The following CD38 variants were observed in gnomAD, a reference collection of about 807,000 sequenced individuals.
CD38 encodes CD38 molecule.
Under a neutral mutation model 36.3 loss-of-function variants are expected in CD38, and 31 were observed. The observed-to-expected ratio is 0.85, with a 90% CI of 0.64 to 1.15. The LOEUF (loss-of-function observed/expected upper bound fraction) is 1.15. CD38 is among the 50% of genes most tolerant of loss of function. The probability of loss-of-function intolerance (pLI) is 0.00; values close to 1 mark genes in which losing one functional copy is unlikely to be tolerated. For synonymous variants in CD38, 131 were observed against 135.2 expected, an observed-to-expected ratio of 0.97 and a Z score of 0.22; for missense variants, 380 against 371.9, an observed-to-expected ratio of 1.02 and a Z score of -0.18.
intron 1 of CD38, among the ~76,000 whole-genome samples, chr4:15,784,135 G>T (rs1722761303): frequency 6.6e-6 from 1 of 152,230 alleles, no homozygotes; most frequent in African/African-American, 2.4e-5. Context: ...AGGAGCCATT[G>T]CTTCTGTGCA....
At chr4:15,820,827 G>A (rs1048588736) in intron 2 of CD38, among the ~76,000 whole-genome samples, 3 of 152,142 alleles carry the variant, frequency 2.0e-5, no homozygotes, top group African/African-American at 7.2e-5. Context: ...CTCAGCTCAG[G>A]ATCAAGTGGA....
chr4:15,820,929 A>G (rs1723718830), intron 2 of CD38, among the ~76,000 whole-genome samples: 1 of 152,232 alleles, frequency 6.6e-6, no homozygotes, highest in African/African-American at 2.4e-5. Flanking sequence ...AATTGATCAC[A>G]CAATTGGAAG....
Position 15,853,212 on chromosome 4 carries a change from CAAT to C in CD38, c.*4613_*4615del, listed in dbSNP as rs1258908998. On this transcript the variant is annotated 3_prime_UTR_variant, in exon 8 of 8. Transcript: ENST00000226279. The stretch of plus-strand genomic sequence containing the variant: ...AACAGACAAAAATGAATTAAACAAA[CAAT>C]AAAAGTATAATAAAGAACTGTGCTG... 1 of 152,088 alleles carries C rather than the reference CAAT, an allele frequency of 6.6e-6. No homozygotes were observed. Among genetic ancestry groups the C allele is most frequent in the Non-Finnish European group, 1.5e-5 (1 of 68,008 alleles). The allele number at this position is 152,088 out of a possible 1,614,324, so 9.4% of individuals were successfully genotyped here. A position where few individuals can be genotyped will look rare whatever the true frequency, so the allele number is the denominator to read the frequency against.
intron 2 of CD38, among the ~76,000 whole-genome samples, chr4:15,821,845 C>T (rs182505091): frequency 2.0e-4 from 30 of 151,396 alleles, no homozygotes; most frequent in African/African-American, 6.3e-4. Flanking sequence ...GAGACTAGCA[C>T]CATCCTGATA....
chr4:15,831,946 T>C (rs1560318408), intron 3 of CD38, among the ~76,000 whole-genome samples: 1 of 152,210 alleles, frequency 6.6e-6, no homozygotes. Flanking sequence ...AAGGCAATTT[T>C]CTAGATCCTG....
chr4:15,821,444 G>A (rs1274896266), intron 2 of CD38, among the ~76,000 whole-genome samples: 1 of 151,900 alleles, frequency 6.6e-6, no homozygotes, highest in Non-Finnish European at 1.5e-5. Context: ...TGGATCGCTA[G>A]CTAGACTAAT....
At chr4:15,825,239 T>A (rs1723823178) in intron 3 of CD38, 2 of 473,030 alleles carry the variant, frequency 4.2e-6, no homozygotes, top group Admixed American at 3.7e-5. Flanking sequence ...ACGCAGGCTG[T>A]ACAAGAAGTA....
intron 1 of CD38, among the ~76,000 whole-genome samples, chr4:15,796,454 A>C (rs1210117296): frequency 6.6e-6 from 1 of 152,124 alleles, no homozygotes; most frequent in African/African-American, 2.4e-5. Flanking sequence ...TCCATTTAAA[A>C]ATTAAAAATT....
At chr4:15,840,803 C>A (rs892668726) in intron 7 of CD38, among the ~76,000 whole-genome samples, 2 of 152,144 alleles carry the variant, frequency 1.3e-5, no homozygotes, top group African/African-American at 4.8e-5. Context: ...GCTGACACAA[C>A]CTTTGATGGC....
chr4:15,804,783 G>T (rs1356237652), intron 1 of CD38, among the ~76,000 whole-genome samples: 1 of 152,152 alleles, frequency 6.6e-6, no homozygotes, highest in Non-Finnish European at 1.5e-5. Flanking sequence ...GGGAGACAGA[G>T]ATTGATCAAT....
chr4:15,796,623 G>A (rs1245936016), intron 1 of CD38, among the ~76,000 whole-genome samples: 2 of 151,990 alleles, frequency 1.3e-5, no homozygotes, highest in South Asian at 2.1e-4. Context: ...AAATAAAATC[G>A]AAATACTCTT....
At chr4:15,816,976 A>G (rs371127747) in intron 2 of CD38, among the ~76,000 whole-genome samples, 2 of 152,248 alleles carry the variant, frequency 1.3e-5, no homozygotes, top group South Asian at 2.1e-4. Context: ...CCCCTGACCT[A>G]TGATAATAAT....
intron 1 of CD38, among the ~76,000 whole-genome samples, chr4:15,813,752 T>C (rs776768485): frequency 6.6e-6 from 1 of 152,236 alleles, no homozygotes; most frequent in African/African-American, 2.4e-5. Context: ...TCCAGCTTCA[T>C]CCATGTCCCT....
At chr4:15,796,279 C>T (rs909748555) in intron 1 of CD38, among the ~76,000 whole-genome samples, 52 of 152,002 alleles carry the variant, frequency 3.4e-4, no homozygotes, top group Middle Eastern at 3.4e-3. Context: ...AGTTTTGAAC[C>T]CCAGGATCTG....
At chr4:15,789,453 G>A (rs1722910336) in intron 1 of CD38, among the ~76,000 whole-genome samples, 1 of 152,064 alleles carries the variant, frequency 6.6e-6, no homozygotes, top group Non-Finnish European at 1.5e-5. Context: ...ATTTAAAAGT[G>A]GTTAGTTTCT....
At chr4:15,836,528 C>T (rs1027364860) in intron 4 of CD38, among the ~76,000 whole-genome samples, 3 of 152,148 alleles carry the variant, frequency 2.0e-5, no homozygotes, top group Admixed American at 6.5e-5. Context: ...ATTGAGTCAT[C>T]CCCATAGGTA....
intron 1 of CD38, among the ~76,000 whole-genome samples, chr4:15,780,522 A>ACACACACG (rs1458654562): frequency 1.5e-3 from 64 of 43,078 alleles, no homozygotes; most frequent in Middle Eastern, 0.021. Flanking sequence ...TCTCTCTCAC[A>ACACACACG]CACACACACA....
intron 1 of CD38, among the ~76,000 whole-genome samples, chr4:15,791,862 C>T (rs1385086739): frequency 3.3e-5 from 3 of 92,148 alleles, no homozygotes; most frequent in East Asian, 2.5e-4. Flanking sequence ...CGCCTCTGCC[C>T]GGCCGCCCCT....
At chr4:15,826,594 A>T (rs916989082) in intron 3 of CD38, among the ~76,000 whole-genome samples, 2 of 152,044 alleles carry the variant, frequency 1.3e-5, no homozygotes, top group Non-Finnish European at 2.9e-5. Flanking sequence ...AAAGATGGTA[A>T]CTATACCCTC....
Sources: allele counts gnomAD v4.1 joint callset (sites outside exome capture counted in the v4.1 genomes callset), GRCh38; gene constraint gnomAD v4.1.1; transcripts MANE v1.5; gene names NCBI Gene and HGNC (gene_info 2026-07-23, HGNC 2026-07-21).